PAH: variants seen among roughly 807,000 people sequenced by gnomAD.
PAH encodes the protein phenylalanine hydroxylase, also known as phenylalanine-4-hydroxylase.
Under a neutral mutation model 62.0 loss-of-function variants are expected in PAH, and 64 were observed. The observed-to-expected ratio is 1.03, with a 90% confidence interval of 0.84 to 1.27. The LOEUF is 1.27. Among genes scored for constraint, PAH ranks in the 50% most tolerant of loss-of-function variants. The probability of loss-of-function intolerance (pLI) is 0.00; values close to 1 mark genes in which losing one functional copy is unlikely to be tolerated. For synonymous variants in PAH, 195 were observed against 196.2 expected (o/e 0.99, Z 0.05); for missense variants, 579 against 542.8 (o/e 1.07, Z -0.66).
At chr12:102,933,007 A>C (rs1878941833) in intron 1 of PAH, among the ~76,000 whole-genome samples, 1 of 152,210 alleles carries the variant, frequency 6.6e-6, no homozygotes, top group African/African-American at 2.4e-5. Context: ...CTTTCATTTT[A>C]AAATGTACAA....
Position 102,851,954 on chromosome 12 carries a change from A to C in PAH, c.843-198T>G, listed in dbSNP as rs184135599. The C allele has an allele frequency of 1.2e-4, 70 of 575,626 alleles. No individual in the cohort carries two copies. In the Middle Eastern group the frequency reaches 1.8e-3, roughly 14 times the overall value. 35.7% of individuals were successfully genotyped at this position (575,626 alleles called of 1,614,324 possible). On this transcript the variant is annotated intron_variant, in intron 7 of 12. Transcript: ENST00000553106. ...CAAGGTAAAAAGAAGAAAAGGAAGG[A>C]AAAATAAGAGACAGGTGCAGGGTAG... is the stretch of plus-strand genomic sequence containing the variant.
chr12:102,870,078 G>C (rs1267190796), intron 4 of PAH, among the ~76,000 whole-genome samples: 2 of 152,154 alleles, frequency 1.3e-5, no homozygotes, highest in Non-Finnish European at 2.9e-5. Context: ...AAAGTCGAGA[G>C]AGTTCTACAG....
At chr12:102,934,037 T>G (rs1249835709) in intron 1 of PAH, among the ~76,000 whole-genome samples, 2 of 152,116 alleles carry the variant, frequency 1.3e-5, no homozygotes, top group Admixed American at 1.3e-4. Context: ...TCTGAAGAGT[T>G]TCCCCAATGT....
At chr12:102,922,161 A>G (rs1302669832), upstream of PAH, among the ~76,000 whole-genome samples, 3 of 150,336 alleles carry the variant, frequency 2.0e-5, no homozygotes, top group African/African-American at 7.4e-5. Context: ...TCTTACACAA[A>G]TAGTAGCATA....
intron 5 of PAH, among the ~76,000 whole-genome samples, chr12:102,860,504 C>A (rs1565850680): frequency 1.3e-5 from 2 of 151,254 alleles, no homozygotes; most frequent in African/African-American, 2.4e-5. Flanking sequence ...CATATGGAAC[C>A]AAAAATAGCC....
chr12:102,904,983 G>T (rs1459861513), intron 2 of PAH, among the ~76,000 whole-genome samples: 1 of 152,114 alleles, frequency 6.6e-6, no homozygotes, highest in South Asian at 2.1e-4. Flanking sequence ...TAAAATAAAA[G>T]CTTTCTACTC....
At chr12:102,861,884 G>A (rs1875736804) in intron 5 of PAH, among the ~76,000 whole-genome samples, 1 of 151,332 alleles carries the variant, frequency 6.6e-6, no homozygotes, top group African/African-American at 2.4e-5. Context: ...ACAAGTTAAT[G>A]GGTGCAGCAC....
chr12:102,917,783 G>A (rs749116057), upstream of PAH, among the ~76,000 whole-genome samples: 3 of 152,226 alleles, frequency 2.0e-5, no homozygotes, highest in Non-Finnish European at 4.4e-5. Flanking sequence ...CCAGCCTGGT[G>A]TTCTCCAGCT....
chr12:102,895,598 G>C (rs1018975545), intron 2 of PAH, among the ~76,000 whole-genome samples: 1 of 151,998 alleles, frequency 6.6e-6, no homozygotes, highest in Admixed American at 6.6e-5. Flanking sequence ...TGTAATCCCA[G>C]CACTTTGAGG....
intron 4 of PAH, 38 bp downstream of exon 4, chr12:102,877,424 G>A (rs1416583598): frequency 7.2e-7 from 1 of 1,386,204 alleles, no homozygotes; most frequent in South Asian, 1.2e-5. Flanking sequence ...TGGAGGAGAG[G>A]CACTGAAAAA....
At chr12:102,929,115 C>T (rs1049095380) in intron 1 of PAH, among the ~76,000 whole-genome samples, 2 of 152,066 alleles carry the variant, frequency 1.3e-5, no homozygotes, top group Non-Finnish European at 2.9e-5. Context: ...TGTTTGCTTC[C>T]CCTTCCACCA....
intron 3 of PAH, among the ~76,000 whole-genome samples, chr12:102,884,732 A>G (rs1450076260): frequency 6.6e-6 from 1 of 152,164 alleles, no homozygotes; most frequent in Non-Finnish European, 1.5e-5. Flanking sequence ...AAGCCAGTCC[A>G]TGCTTATGTC....
chr12:102,844,558 G>A, intron 9 of PAH, 127 bp from the exon 10 acceptor site: 2 of 710,420 alleles, frequency 2.8e-6, no homozygotes, highest in Non-Finnish European at 5.0e-6. Context: ...TGTCTATGAG[G>A]GTGTTTCTGG....
intron 3 of PAH, among the ~76,000 whole-genome samples, chr12:102,881,154 C>T (rs908962331): frequency 6.6e-6 from 1 of 151,142 alleles, no homozygotes; most frequent in Non-Finnish European, 1.5e-5. Context: ...GCTGGGAATA[C>T]AGGTGCGTGC....
At position 102,877,460 on chromosome 12, in the gene PAH, A is replaced by G; in HGVS notation, c.441+2T>C. 1 of 1,611,412 alleles carries G rather than the reference A, an allele frequency of 6.2e-7. No homozygotes were observed. The highest frequency in any genetic ancestry group is 1.1e-5 in the South Asian group (1 of 91,030). ...ATCTCATCCTACGGGCCATGGACTC[A>G]CAGGGTGGTCAGCATCCAGTTCCGC... On this transcript the variant is annotated splice_donor_variant, in intron 4 of 12. Transcript: ENST00000553106. LOFTEE classifies it high-confidence loss of function.
chr12:102,857,619 T>C (rs1277375107), intron 5 of PAH, among the ~76,000 whole-genome samples: 2 of 152,180 alleles, frequency 1.3e-5, no homozygotes, highest in Non-Finnish European at 2.9e-5. Context: ...GACTAACAGC[T>C]GATCTCTCGG....
intron 2 of PAH, among the ~76,000 whole-genome samples, chr12:102,912,537 A>T (rs577565364): frequency 9.8e-5 from 15 of 152,294 alleles, no homozygotes; most frequent in African/African-American, 3.6e-4. Flanking sequence ...TACAAAACAC[A>T]TTATTTCATC....
rs1876603180 is a variant in PAH, at chr12:102,877,194, T to C, written c.441+268A>G. ...AACAATGATGATTTGCATCTGTGTG[T>C]GTGTTTGTGCATACACAGACCTAGT... On this transcript the variant is annotated intron_variant, in intron 4 of 12. Transcript: ENST00000553106. The C allele has an allele frequency of 1.0e-5, 5 of 492,636 alleles. No individual in the cohort carries two copies. The Admixed American group carries it at 1.3e-4, about 13-fold the overall frequency. 30.5% of individuals were successfully genotyped at this position (492,636 alleles called of 1,614,324 possible).
At chr12:102,933,500 A>T (rs1056635686) in intron 1 of PAH, among the ~76,000 whole-genome samples, 2 of 152,102 alleles carry the variant, frequency 1.3e-5, no homozygotes, top group African/African-American at 4.8e-5. Flanking sequence ...CAGCAGTGGG[A>T]TTACTAGATC....
Sources: gnomAD v4.1 joint callset for allele counts (sites outside exome capture counted in the v4.1 genomes callset) on GRCh38, gnomAD v4.1.1 for gene constraint, MANE v1.5 for transcripts, NCBI Gene and HGNC (gene_info 2026-07-23, HGNC 2026-07-21) for gene names.